Variants in FXYD6 observed in about 807,000 individuals in gnomAD.
FXYD6 encodes the protein FXYD domain containing ion transport regulator 6, also known as FXYD domain-containing ion transport regulator 6.
FXYD6 carries 7 observed loss-of-function variants against 16.7 expected under a neutral mutation model. That is an observed-to-expected ratio of 0.42 (90% CI 0.24 to 0.79). The LOEUF (loss-of-function observed/expected upper bound fraction) is 0.79. FXYD6 is among the 30% of genes least tolerant of loss of function. FXYD6 has a pLI of 0.28. For missense variants in FXYD6, 111 were observed against 116.2 expected (o/e 0.95, Z 0.21); for synonymous variants, 49 against 43.0 (o/e 1.14, Z -0.54).
chr11:117,850,894 T>C (rs1398238710), intron 1 of FXYD6, among the ~76,000 whole-genome samples: 1 of 152,204 alleles, frequency 6.6e-6, no homozygotes, highest in Non-Finnish European at 1.5e-5. Context: ...TTTTTCCATG[T>C]GTATTCAATG....
At chr11:117,859,625 G>A (rs2056857427) in intron 1 of FXYD6, among the ~76,000 whole-genome samples, 1 of 152,060 alleles carries the variant, frequency 6.6e-6, no homozygotes. Flanking sequence ...TGCACCTGTG[G>A]CCCTTTCATG....
At chr11:117,867,118 T>A (rs560360622) in intron 1 of FXYD6, among the ~76,000 whole-genome samples, 1 of 152,158 alleles carries the variant, frequency 6.6e-6, no homozygotes, top group African/African-American at 2.4e-5. Context: ...GGTGGAGAAA[T>A]TGGGGGAGAA....
At chr11:117,852,716 C>T (rs763016613) in intron 1 of FXYD6, among the ~76,000 whole-genome samples, 46 of 152,216 alleles carry the variant, frequency 3.0e-4, no homozygotes, top group Non-Finnish European at 4.0e-4. Flanking sequence ...TATGGCCTCT[C>T]CTCCATTCTC....
Position 117,842,611 on chromosome 11 carries a change from C to T in FXYD6, c.58+108G>A, listed in dbSNP as rs1040291302. On this transcript the variant is annotated intron_variant, in intron 2 of 7. Transcript: ENST00000526014. ...GAGGCCCCTGACTAGACATGAAGAA[C>T]GTGAGAGTCCCCCAGCCCTAATGTC... 16 of 1,133,860 alleles carry T rather than the reference C, an allele frequency of 1.4e-5. No individual in the cohort carries two copies. In the African/African-American group the frequency reaches 1.7e-4, roughly 12 times the overall value. The allele number at this position is 1,133,860 out of a possible 1,614,324, so 70.2% of individuals were successfully genotyped here. A position where few individuals can be genotyped will look rare whatever the true frequency, so the allele number is the denominator to read the frequency against.
chr11:117,858,636 T>TTTCTTTCC (rs1312124261), intron 1 of FXYD6, among the ~76,000 whole-genome samples: 1,317 of 20,816 alleles, frequency 0.063, 151 homozygotes, highest in South Asian at 0.11. Flanking sequence ...TTCTTTTTTC[T>TTTCTTTCC]TTCTTTCTTT....
intron 5 of FXYD6, 78 bp downstream of exon 5, chr11:117,841,070 T>C: frequency 1.3e-6 from 2 of 1,578,322 alleles, no homozygotes; most frequent in Non-Finnish European, 1.7e-6. Context: ...GAATGCCCAT[T>C]TGGGGGTCAC....
chr11:117,875,971 G>C (rs1373019871), intron 1 of FXYD6, among the ~76,000 whole-genome samples: 1 of 152,118 alleles, frequency 6.6e-6, no homozygotes, highest in African/African-American at 2.4e-5. Flanking sequence ...GGACCCCAGG[G>C]CCCCCCGGAA....
At chr11:117,852,626 G>C (rs924676007) in intron 1 of FXYD6, among the ~76,000 whole-genome samples, 1 of 152,078 alleles carries the variant, frequency 6.6e-6, no homozygotes, top group African/African-American at 2.4e-5. Flanking sequence ...ACTGATTGTC[G>C]TGAGTTTCAT....
rs563306905 is a variant in FXYD6, at chr11:117,841,552, C to G, written c.172+239G>C. The stretch of plus-strand genomic sequence containing the variant: ...CCCTATAGACACAGCACTGGGAAGC[C>G]ACCCTGCTCGTTCCTATCTATGCTC... On this transcript the variant is annotated intron_variant, in intron 4 of 7. Transcript: ENST00000526014. The G allele has an allele frequency of 2.3e-5, 14 of 603,772 alleles. No individual in the cohort carries two copies. The South Asian group carries it at 2.6e-4, about 11-fold the overall frequency. The allele number at this position is 603,772 out of a possible 1,614,324, so 37.4% of individuals were successfully genotyped here. A position where few individuals can be genotyped will look rare whatever the true frequency, so the allele number is the denominator to read the frequency against.
intron 1 of FXYD6, among the ~76,000 whole-genome samples, chr11:117,847,609 C>T (rs976654481): frequency 2.7e-5 from 4 of 148,992 alleles, no homozygotes; most frequent in Non-Finnish European, 4.4e-5. Context: ...TGAGAACATG[C>T]GGTGTTTGGT....
At chr11:117,844,701 G>A (rs2056434170) in intron 1 of FXYD6, among the ~76,000 whole-genome samples, 1 of 152,020 alleles carries the variant, frequency 6.6e-6, no homozygotes, top group African/African-American at 2.4e-5. Flanking sequence ...TCACCATGTT[G>A]GTCAGGCTCA....
intron 1 of FXYD6, 114 bp from the exon 2 acceptor site, chr11:117,842,895 A>C: frequency 3.6e-6 from 4 of 1,101,948 alleles, no homozygotes; most frequent in Non-Finnish European, 5.3e-6. Context: ...CTCTGCACTC[A>C]TGACTTGGTG....
chr11:117,866,631 T>C (rs1273290178), intron 1 of FXYD6, among the ~76,000 whole-genome samples: 1 of 152,190 alleles, frequency 6.6e-6, no homozygotes, highest in African/African-American at 2.4e-5. Context: ...CGATGCCCCA[T>C]CAGTCCCAGC....
rs751463392 is a variant in FXYD6, at chr11:117,842,746, G to A, written c.31C>T (p.Leu11=). The change falls in exon 2 of 8, where the codon CTG becomes TTG. Residue 11 remains leucine, a synonymous_variant. Transcript: ENST00000526014. MELVLVFLCS[L]LAPMVLASAA... ...CTGGCCAGGACCATGGGGGCCAGCA[G>A]GCTGCAGAGGAAGACCAGCACCAAC... 5 of 1,569,918 alleles carry A rather than the reference G, an allele frequency of 3.2e-6. No homozygotes were observed. Among genetic ancestry groups the A allele is most frequent in the Non-Finnish European group, 4.3e-6 (5 of 1,156,758 alleles).
chr11:117,874,592 G>C (rs2057213842), intron 1 of FXYD6, among the ~76,000 whole-genome samples: 1 of 152,180 alleles, frequency 6.6e-6, no homozygotes, highest in South Asian at 2.1e-4. Flanking sequence ...GGCCTCCTTG[G>C]CTTTCCTGGG....
At chr11:117,862,886 G>A (rs2056939857) in intron 1 of FXYD6, among the ~76,000 whole-genome samples, 1 of 152,162 alleles carries the variant, frequency 6.6e-6, no homozygotes, top group Non-Finnish European at 1.5e-5. Context: ...AAAGAGAAAG[G>A]GGAGCTGCTG....
At chr11:117,838,566 T>A (rs1206679951) in intron 7 of FXYD6, 8 of 407,098 alleles carry the variant, frequency 2.0e-5, no homozygotes, top group Admixed American at 3.8e-5. Flanking sequence ...GAGAAAGAAC[T>A]AGTTTGGGAA....
chr11:117,847,144 G>C (rs1252824820), intron 1 of FXYD6, among the ~76,000 whole-genome samples: 1 of 152,112 alleles, frequency 6.6e-6, no homozygotes, highest in African/African-American at 2.4e-5. Flanking sequence ...ATGTCACCTT[G>C]TATGTGTTTT....
At chr11:117,857,410 A>ATTTTTT (rs66790457) in intron 1 of FXYD6, among the ~76,000 whole-genome samples, 1 of 138,424 alleles carries the variant, frequency 7.2e-6, no homozygotes, top group African/African-American at 2.7e-5. Context: ...AAAGAAGTGG[A>ATTTTTT]TTTTTTTTTT....
Sources: allele counts gnomAD v4.1 joint callset (sites outside exome capture counted in the v4.1 genomes callset), GRCh38; gene constraint gnomAD v4.1.1; transcripts MANE v1.5; gene names NCBI Gene and HGNC (gene_info 2026-07-23, HGNC 2026-07-21).